INO80D: variants seen among roughly 807,000 people sequenced by gnomAD.
INO80D encodes INO80 complex subunit D.
INO80D carries 21 observed loss-of-function variants against 87.6 expected under a neutral mutation model. That is an observed-to-expected ratio of 0.24 (90% confidence interval 0.17 to 0.35). The LOEUF (loss-of-function observed/expected upper bound fraction) is 0.35, where lower values mean the gene tolerates loss of function less well. Among genes scored for constraint, INO80D ranks in the 10% least tolerant of loss-of-function variants. The pLI, the probability that INO80D is intolerant of heterozygous loss-of-function variation, is 1.00. For missense variants in INO80D, 982 were observed against 1,280.7 expected (o/e 0.77, Z 3.56); for synonymous variants, 440 against 491.0 (o/e 0.90, Z 1.37).
At chr2:206,020,627 G>C (rs1231803601) in intron 6 of INO80D, among the ~76,000 whole-genome samples, 1 of 151,638 alleles carries the variant, frequency 6.6e-6, no homozygotes, top group Non-Finnish European at 1.5e-5. Context: ...TCTCCACTTT[G>C]TACACTTAAT....
Position 206,025,542 on chromosome 2 carries a change from A to AAAAAATAT in INO80D, c.1298+2568_1298+2569insATATTTTT, listed in dbSNP as rs71301548. On this transcript the variant is annotated intron_variant, in intron 6 of 10. Transcript: ENST00000403263. ...AAACTCCATCTCAAAAAAAAAAAAAAATATATATATATATATATATATATA... is the reference window on the plus strand; with the variant it reads ...AAACTCCATCTCAAAAAAAAAAAAAAAAAAATATATATATATATATATATATATATATA... 7.5e-4 allele frequency: 58 copies of AAAAAATAT among 76,936 alleles called. 1 individual carries two copies. The highest frequency in any genetic ancestry group is 3.5e-3 in the East Asian group (8 of 2,294). The allele number at this position is 76,936 out of a possible 1,614,324, so 4.8% of individuals were successfully genotyped here.
intron 1 of INO80D, among the ~76,000 whole-genome samples, chr2:206,068,956 C>T (rs1464635694): frequency 1.3e-5 from 2 of 152,158 alleles, no homozygotes; most frequent in Non-Finnish European, 2.9e-5. Flanking sequence ...CTGCCTGGGC[C>T]TCCCAAAGTG....
chr2:206,061,253 C>T (rs1689683186), intron 3 of INO80D, among the ~76,000 whole-genome samples: 2 of 152,208 alleles, frequency 1.3e-5, no homozygotes, highest in African/African-American at 4.8e-5. Context: ...CTCAAGCGAT[C>T]CACCGCCTTA....
rs1687838972 is a variant in INO80D, at chr2:205,998,008, T to C, written c.*6360A>G. 1 of 152,178 alleles carries C rather than the reference T, an allele frequency of 6.6e-6. No homozygotes were observed. Among genetic ancestry groups the C allele is most frequent in the South Asian group, 2.1e-4 (1 of 4,832 alleles). The allele number at this position is 152,178 out of a possible 1,614,324, so 9.4% of individuals were successfully genotyped here. A position where few individuals can be genotyped will look rare whatever the true frequency, so the allele number is the denominator to read the frequency against. Reference sequence around the variant, plus strand: ...ATTTAGTTCTATTTTAAAGTCACAGTGGGAATTCCTTAGTGAGGAGGGATA... The same window carrying C: ...ATTTAGTTCTATTTTAAAGTCACAGCGGGAATTCCTTAGTGAGGAGGGATA... On this transcript the variant is annotated 3_prime_UTR_variant, in exon 11 of 11. Coordinates refer to ENST00000403263, the MANE Select transcript of INO80D (RefSeq NM_017759.5).
At chr2:206,041,193 T>C (rs557779183) in intron 5 of INO80D, among the ~76,000 whole-genome samples, 125 of 98,252 alleles carry the variant, frequency 1.3e-3, no homozygotes, top group Non-Finnish European at 2.5e-3. Flanking sequence ...CAAAAGACAG[T>C]AAATTTAAAC....
intron 8 of INO80D, among the ~76,000 whole-genome samples, chr2:206,013,421 A>G (rs956926806): frequency 6.6e-5 from 10 of 151,982 alleles, no homozygotes; most frequent in Non-Finnish European, 5.9e-5. Context: ...GCGTGGTGGC[A>G]GGCACCTGTA....
intron 5 of INO80D, among the ~76,000 whole-genome samples, chr2:206,043,094 T>G (rs1239610135): frequency 2.0e-5 from 3 of 152,220 alleles, no homozygotes; most frequent in African/African-American, 7.2e-5. Context: ...AAAAACTCAA[T>G]GAACTTATTG....
intron 1 of INO80D, among the ~76,000 whole-genome samples, chr2:206,074,442 C>G (rs866593519): frequency 2.0e-5 from 3 of 151,788 alleles, no homozygotes; most frequent in African/African-American, 7.3e-5. Context: ...GTTGAAACCC[C>G]GTCTCTACAA....
chr2:206,008,282 CT>C (rs376619981), intron 9 of INO80D, among the ~76,000 whole-genome samples: 176 of 121,150 alleles, frequency 1.5e-3, no homozygotes, highest in Admixed American at 1.5e-3. Context: ...CCATGCCTTG[CT>C]TTTTTTTTTT....
rs116171991 is a variant in INO80D at position 206,034,326 on chromosome 2, T to C, written c.1074-5991A>G. Among the ~76,000 whole-genome samples the C allele has an allele frequency of 2.9e-3, 448 of 152,206 alleles. 3 individuals are homozygous for C. The highest frequency in any genetic ancestry group is 0.01 in the African/African-American group (428 of 41,534). On this transcript the variant is annotated intron_variant, in intron 5 of 10. Transcript: ENST00000403263. ...CACAGACCGATATCCCTGATGAACA[T>C]AGATGGTAAAACCCTTAACAAAATA...
At chr2:206,070,198 T>C (rs566911389) in intron 1 of INO80D, among the ~76,000 whole-genome samples, 40 of 147,766 alleles carry the variant, frequency 2.7e-4, no homozygotes, top group African/African-American at 8.3e-4. Context: ...GGCGGATCAC[T>C]TGAGGTCAGG....
At chr2:206,079,066 A>G (rs1690203849) in intron 1 of INO80D, among the ~76,000 whole-genome samples, 1 of 152,094 alleles carries the variant, frequency 6.6e-6, no homozygotes, top group Admixed American at 6.6e-5. Context: ...AAACATTTCT[A>G]TAGGCTTTAT....
At position 206,003,040 on chromosome 2, in the gene INO80D, A is replaced by G. The variant is rs1002249550; in HGVS notation, c.*1328T>C. On this transcript the variant is annotated 3_prime_UTR_variant, in exon 11 of 11. Coordinates refer to ENST00000403263, the MANE Select transcript of INO80D (RefSeq NM_017759.5). ...CCCCATATGATCTTTAACCCCTAAA[A>G]TCCTGGCATTTTAAAAACATTTCCC... The G allele has an allele frequency of 6.6e-6, 1 of 152,168 alleles. No individual in the cohort carries two copies. The highest frequency in any genetic ancestry group is 2.4e-5 in the African/African-American group (1 of 41,412). The allele number at this position is 152,168 out of a possible 1,614,324, so 9.4% of individuals were successfully genotyped here. A position where few individuals can be genotyped will look rare whatever the true frequency, so the allele number is the denominator to read the frequency against.
chr2:206,041,266 G>T (rs979234486), intron 5 of INO80D, among the ~76,000 whole-genome samples: 1 of 152,240 alleles, frequency 6.6e-6, no homozygotes, highest in East Asian at 1.9e-4. Context: ...AAAAAGCAGA[G>T]ATTGTCAGAA....
At chr2:206,034,214 T>A (rs565813886) in intron 5 of INO80D, among the ~76,000 whole-genome samples, 5 of 152,092 alleles carry the variant, frequency 3.3e-5, no homozygotes, top group African/African-American at 7.2e-5. Flanking sequence ...TTCCACAAGA[T>A]AGAGAAAGAA....
intron 1 of INO80D, among the ~76,000 whole-genome samples, chr2:206,071,236 G>T: frequency 8.7e-4 from 2 of 2,290 alleles, no homozygotes; most frequent in Non-Finnish European, 1.8e-3. Flanking sequence ...TGGGATTACA[G>T]GCATAAGCAC....
intron 5 of INO80D, among the ~76,000 whole-genome samples, chr2:206,035,536 A>G (rs551229622): frequency 5.2e-4 from 79 of 152,300 alleles, no homozygotes; most frequent in African/African-American, 1.8e-3. Flanking sequence ...GGCTAGCCAC[A>G]TGTAGGAGAA....
intron 5 of INO80D, among the ~76,000 whole-genome samples, chr2:206,043,529 C>A (rs1450134654): frequency 6.6e-6 from 1 of 151,518 alleles, no homozygotes; most frequent in East Asian, 2.0e-4. Context: ...GCTCTGTCAT[C>A]CAGGCTGGAG....
intron 4 of INO80D, 33 bp downstream of exon 4, chr2:206,056,165 T>G: frequency 2.6e-6 from 4 of 1,525,472 alleles, no homozygotes; most frequent in Non-Finnish European, 3.5e-6. Context: ...TGTCATATTA[T>G]GTGTCTATGA....
Sources: gnomAD v4.1 joint callset for allele counts (sites outside exome capture counted in the v4.1 genomes callset) on GRCh38, gnomAD v4.1.1 for gene constraint, MANE v1.5 for transcripts, NCBI Gene and HGNC (gene_info 2026-07-23, HGNC 2026-07-21) for gene names.